Variants in SRPX observed in about 807,000 individuals in gnomAD.
SRPX encodes sushi repeat containing protein X-linked.
Under a neutral mutation model 38.1 loss-of-function variants are expected in SRPX, and 24 were observed. The ratio of observed to expected loss-of-function variants is 0.63; its 90% CI spans 0.46 to 0.89. The LOEUF (loss-of-function observed/expected upper bound fraction) is 0.89. Among genes scored for constraint, SRPX ranks in the 40% least tolerant of loss-of-function variants. SRPX has a pLI of 0.00. For missense variants in SRPX, 416 were observed against 377.8 expected (o/e 1.10, Z -0.84); for synonymous variants, 184 against 153.8 (o/e 1.20, Z -1.45).
chrX:38,174,469 T>C, intron 2 of SRPX, 118 bp from the exon 3 acceptor site: 2 of 504,573 alleles, frequency 4.0e-6, no homozygotes, highest in Non-Finnish European at 5.7e-6. Context: ...CTTCAATTAG[T>C]GCCCCATGTT....
chrX:38,151,397 G>A (rs937051932), intron 9 of SRPX, among the ~76,000 whole-genome samples: 4 of 112,073 alleles, frequency 3.6e-5, no homozygotes, highest in Non-Finnish European at 5.6e-5. Flanking sequence ...GGTACAGGGA[G>A]CTCTCAGGAA....
At chrX:38,154,194 C>T (rs1291647934) in intron 9 of SRPX, among the ~76,000 whole-genome samples, 1 of 98,872 alleles carries the variant, frequency 1.0e-5, no homozygotes, top group African/African-American at 4.3e-5. Context: ...CATCCTTCCT[C>T]CACCAACCAC....
intron 4 of SRPX, among the ~76,000 whole-genome samples, chrX:38,168,669 G>C (rs754034913): frequency 2.7e-5 from 3 of 112,209 alleles, no homozygotes; most frequent in East Asian, 2.8e-4. Flanking sequence ...GGAAGTGAGT[G>C]ACTGCCAAAT....
intron 9 of SRPX, among the ~76,000 whole-genome samples, chrX:38,151,963 A>G (rs1938025363): frequency 9.0e-6 from 1 of 111,256 alleles, no homozygotes; most frequent in Non-Finnish European, 1.9e-5. Flanking sequence ...AGGGTAAGAA[A>G]GAAGGTAGGC....
intron 1 of SRPX, among the ~76,000 whole-genome samples, chrX:38,189,492 T>C (rs1015791495): frequency 7.1e-5 from 8 of 111,910 alleles, no homozygotes; most frequent in Non-Finnish European, 1.3e-4. Flanking sequence ...TTGTTTATGA[T>C]TGTATTCTCA....
At chrX:38,153,601 T>G (rs1435582038) in intron 9 of SRPX, among the ~76,000 whole-genome samples, 1 of 111,540 alleles carries the variant, frequency 9.0e-6, no homozygotes, top group Admixed American at 9.6e-5. Context: ...CCCTTAAAAG[T>G]GAATTGCAAT....
chrX:38,198,251 G>A (rs1252805597), intron 1 of SRPX, among the ~76,000 whole-genome samples: 3 of 111,679 alleles, frequency 2.7e-5, no homozygotes, highest in Non-Finnish European at 5.6e-5. Flanking sequence ...GCTCTGGAGA[G>A]GAGAAAAGGA....
intron 3 of SRPX, among the ~76,000 whole-genome samples, chrX:38,173,105 G>A (rs764677708): frequency 1.6e-4 from 18 of 112,509 alleles, no homozygotes; most frequent in African/African-American, 4.8e-4. Context: ...CATGGCTGCA[G>A]CCTTGAAACC....
intron 1 of SRPX, among the ~76,000 whole-genome samples, chrX:38,207,050 C>A (rs1939224164): frequency 9.0e-6 from 1 of 111,251 alleles, no homozygotes; most frequent in Non-Finnish European, 1.9e-5. Flanking sequence ...AAAAGGAAGA[C>A]CCTAGGCAGA....
intron 1 of SRPX, among the ~76,000 whole-genome samples, chrX:38,183,106 T>G (rs780088734): frequency 9.4e-6 from 1 of 106,268 alleles, no homozygotes; most frequent in African/African-American, 3.5e-5. Context: ...CAGGAGGGAG[T>G]GTAGTGGTAT....
intron 9 of SRPX, among the ~76,000 whole-genome samples, chrX:38,151,893 T>G (rs1040007135): frequency 2.7e-5 from 3 of 110,804 alleles, no homozygotes; most frequent in African/African-American, 9.9e-5. Flanking sequence ...TCCTTGAGAT[T>G]GCTGGAAAAT....
intron 1 of SRPX, among the ~76,000 whole-genome samples, chrX:38,199,748 G>GA (rs146463626): frequency 0.3 from 29,810 of 99,398 alleles, 4,420 homozygotes; most frequent in Non-Finnish European, 0.44. Flanking sequence ...AGAGTGGCTG[G>GA]AAAAAAAAAA....
At chrX:38,185,898 A>AGG (rs1338968723) in intron 1 of SRPX, among the ~76,000 whole-genome samples, 3 of 81,998 alleles carry the variant, frequency 3.7e-5, no homozygotes, top group Non-Finnish European at 7.1e-5. Flanking sequence ...AAAAAAAAAA[A>AGG]GGGGGGGGGG....
chrX:38,220,470 C>G (rs1939496010), intron 1 of SRPX, among the ~76,000 whole-genome samples: 1 of 113,797 alleles, frequency 8.8e-6, no homozygotes, highest in Non-Finnish European at 1.9e-5. Context: ...CTCCCGTCGC[C>G]GCGAGGGCGC....
In SRPX at chrX:38,149,904, A is replaced by T. The variant is rs1230861830; in HGVS notation, c.1212-10T>A. The T allele has an allele frequency of 8.4e-7, 1 of 1,192,754 alleles. No homozygotes were observed. The highest frequency in any genetic ancestry group is 1.1e-6 in the Non-Finnish European group (1 of 886,597). On this transcript the variant is annotated splice_polypyrimidine_tract_variant and intron_variant, in intron 9 of 9. Coordinates refer to ENST00000378533, the MANE Select transcript of SRPX (RefSeq NM_006307.5). Reference sequence around the variant, plus strand: ...GATTCGCAGCAACAGCCTGTGGCAGACAAAGAAAAGAGGAGACTAAGTCAA... The same window carrying T: ...GATTCGCAGCAACAGCCTGTGGCAGTCAAAGAAAAGAGGAGACTAAGTCAA...
chrX:38,161,114 C>A, intron 5 of SRPX, 60 bp from the exon 6 acceptor site: 1 of 1,166,473 alleles, frequency 8.6e-7, no homozygotes, highest in Admixed American at 2.2e-5. Flanking sequence ...AAGCAAGTGA[C>A]GATCCCCTAC....
rs184386303 is a variant in SRPX at position 38,157,148 on chromosome X, T to C, written c.956-119A>G. ...GTAAACCCTGAGATAAGGATTCAAG[T>C]GTAAACAGTTTATTTGGGAGGCAGT... On this transcript the variant is annotated intron_variant, in intron 7 of 9. Transcript: ENST00000378533. The C allele has an allele frequency of 6.5e-5, 59 of 913,107 alleles. No homozygotes were observed. In the African/African-American group the frequency reaches 1.1e-3, roughly 16 times the overall value. 75.3% of individuals were successfully genotyped at this position (913,107 alleles called of 1,213,427 possible).
At position 38,172,039 on chromosome X, in the gene SRPX, AG is replaced by A; in HGVS notation, c.367del (p.Ala124ProfsTer11). 1 of 1,209,716 alleles carries A rather than the reference AG, an allele frequency of 8.3e-7. No individual in the cohort carries two copies. Among genetic ancestry groups the A allele is most frequent in the Non-Finnish European group, 1.1e-6 (1 of 894,275 alleles). ...AAACCCTCCATTTGCTGGCATGGCA[AG>A]GGTAGGACATCGCTTTTCTGAAAAT... is the stretch of plus-strand genomic sequence containing the variant. ...VICKQKRCPT[L>X]AMPANGGFKC... On this transcript the variant is annotated frameshift_variant, in exon 4 of 10. Coordinates refer to ENST00000378533, the MANE Select transcript of SRPX (RefSeq NM_006307.5). LOFTEE classifies it high-confidence loss of function.
At chrX:38,172,155 T>A in intron 3 of SRPX, 98 bp from the exon 4 acceptor site, 1 of 957,799 alleles carries the variant, frequency 1.0e-6, no homozygotes, top group Non-Finnish European at 1.4e-6. Flanking sequence ...GGTGAAAAGT[T>A]AATTTAAATA....
Sources: allele counts gnomAD v4.1 joint callset (sites outside exome capture counted in the v4.1 genomes callset), GRCh38; gene constraint gnomAD v4.1.1; transcripts MANE v1.5; gene names NCBI Gene and HGNC (gene_info 2026-07-23, HGNC 2026-07-21).